Variants in STX1A observed in about 807,000 individuals in gnomAD.
The protein encoded by STX1A is syntaxin 1A.
Under a neutral mutation model 37.8 loss-of-function variants are expected in STX1A, and 4 were observed. That is an observed-to-expected ratio of 0.11 (90% CI 0.05 to 0.24). The LOEUF is 0.24. Among genes scored for constraint, STX1A ranks in the 10% least tolerant of loss-of-function variants. The pLI is 1.00. For synonymous variants in STX1A, 135 were observed against 147.4 expected, an observed-to-expected ratio of 0.92 and a Z score of 0.61; for missense variants, 251 against 399.9, an observed-to-expected ratio of 0.63 and a Z score of 3.18.
rs200456346 is a variant in STX1A, at chr7:73,704,179, G to A, written c.435C>T (p.Cys145=). ...CCAGCTGCCTCTGGATGCGGCCTTTGCAGCGCTCGCGGTAGTCGGACTGCG... is the reference window on the plus strand; with the variant it reads ...CCAGCTGCCTCTGGATGCGGCCTTTACAGCGCTCGCGGTAGTCGGACTGCG... ...NATQSDYRER[C]KGRIQRQLEI... is the part of the protein sequence containing the mutation. Residue 145 remains cysteine, a synonymous_variant, in exon 6 of 10, where the codon TGC becomes TGT. Transcript: ENST00000222812. 1 of 1,537,408 alleles carries A rather than the reference G, an allele frequency of 6.5e-7. No individual in the cohort carries two copies. Among genetic ancestry groups the A allele is most frequent in the East Asian group, 2.5e-5 (1 of 39,684 alleles).
chr7:73,703,645 G>T, intron 7 of STX1A, 110 bp downstream of exon 7: 2 of 1,282,470 alleles, frequency 1.6e-6, no homozygotes, highest in Non-Finnish European at 2.2e-6. Context: ...CCTAAAACCT[G>T]CCTTACAAGG....
Position 73,700,888 on chromosome 7 carries a change from T to C in STX1A, c.679-48A>G. ...GCTCCAGAGGGCCCCCTCCTCAGGGTTGGGTTGGGGCTCGGGGCAGGACTT... is the reference window on the plus strand; with the variant it reads ...GCTCCAGAGGGCCCCCTCCTCAGGGCTGGGTTGGGGCTCGGGGCAGGACTT... On this transcript the variant is annotated intron_variant, in intron 8 of 9. Transcript: ENST00000222812. The surrounding 1 kb of genome is among the most constrained non-coding windows in gnomAD (Gnocchi z 4.4). 1 of 1,607,298 alleles carries C rather than the reference T, an allele frequency of 6.2e-7. No individual in the cohort carries two copies. The highest frequency in any genetic ancestry group is 8.5e-7 in the Non-Finnish European group (1 of 1,179,322).
chr7:73,718,306 C>T (rs2116782209), intron 1 of STX1A, among the ~76,000 whole-genome samples: 1 of 152,250 alleles, frequency 6.6e-6, no homozygotes, highest in South Asian at 2.1e-4. Flanking sequence ...GGTGCCAGAG[C>T]AAGTGGGGGA....
At position 73,705,268 on chromosome 7, in the gene STX1A, G is replaced by T; in HGVS notation, c.209-44C>A. ...TGGGGGTAGGCCTCCTAGGCTCCGC[G>T]GGGACTGATGTGCAGGCTCAGCCTC... On this transcript the variant is annotated intron_variant, in intron 3 of 9. Transcript: ENST00000222812. The surrounding 1 kb of genome is among the most constrained non-coding windows in gnomAD (Gnocchi z 5.2). 1 of 1,525,268 alleles carries T rather than the reference G, an allele frequency of 6.6e-7. No individual in the cohort carries two copies. 94.5% of individuals were successfully genotyped at this position (1,525,268 alleles called of 1,614,324 possible).
intron 8 of STX1A, among the ~76,000 whole-genome samples, chr7:73,701,671 G>A (rs1798661365): frequency 6.6e-6 from 1 of 152,112 alleles, no homozygotes; most frequent in African/African-American, 2.4e-5. Flanking sequence ...CCCTCTCCAA[G>A]TCCATCGGTT....
At chr7:73,704,687 A>T (rs1411604705) in intron 4 of STX1A, 5 of 557,792 alleles carry the variant, frequency 9.0e-6, no homozygotes, top group Non-Finnish European at 1.6e-5. Flanking sequence ...CGGCCACCCT[A>T]TGCCTGGGTA....
intron 4 of STX1A, 38 bp from the exon 5 acceptor site, chr7:73,704,461 C>T (rs1554616509): frequency 6.2e-7 from 1 of 1,612,670 alleles, no homozygotes; most frequent in South Asian, 1.1e-5. Flanking sequence ...TAACCAGGCC[C>T]CTTCAACCCC....
intron 1 of STX1A, among the ~76,000 whole-genome samples, chr7:73,710,337 G>T (rs1296538847): frequency 6.6e-6 from 1 of 152,282 alleles, no homozygotes; most frequent in Non-Finnish European, 1.5e-5. Flanking sequence ...TCTCTCTGCA[G>T]CCAAGGCAAG....
At chr7:73,710,102 A>G (rs1799044824) in intron 1 of STX1A, among the ~76,000 whole-genome samples, 1 of 152,228 alleles carries the variant, frequency 6.6e-6, no homozygotes, top group South Asian at 2.1e-4. Flanking sequence ...CAGCAGGCAC[A>G]AGGGGACAGT....
intron 3 of STX1A, among the ~76,000 whole-genome samples, chr7:73,707,271 G>T (rs1201626781): frequency 1.3e-5 from 2 of 152,180 alleles, no homozygotes; most frequent in Admixed American, 1.3e-4. Context: ...ATGAGGACCG[G>T]GTCAGGGGGA....
chr7:73,701,286 G>A, intron 8 of STX1A: 1 of 306,526 alleles, frequency 3.3e-6, no homozygotes, highest in Non-Finnish European at 6.1e-6. Flanking sequence ...TGCTGTCTGG[G>A]GTCTTCAGTC....
intron 1 of STX1A, among the ~76,000 whole-genome samples, chr7:73,718,357 C>T (rs1477324508): frequency 6.6e-6 from 1 of 152,156 alleles, no homozygotes; most frequent in Non-Finnish European, 1.5e-5. Context: ...CCAGGATGCC[C>T]AGGAGGCAAC....
At chr7:73,718,126 T>G (rs1799355407) in intron 1 of STX1A, among the ~76,000 whole-genome samples, 2 of 152,254 alleles carry the variant, frequency 1.3e-5, no homozygotes, top group Non-Finnish European at 2.9e-5. Flanking sequence ...TCATTCTGAC[T>G]CAACGGAGCT....
intron 7 of STX1A, chr7:73,703,498 G>A (rs1344583249): frequency 2.9e-6 from 2 of 682,664 alleles, no homozygotes; most frequent in South Asian, 1.5e-5. Flanking sequence ...CCACGGATAA[G>A]AGGAGGAGCC....
chr7:73,708,943 G>T (rs1798990663), intron 2 of STX1A, 102 bp downstream of exon 2: 1 of 1,306,318 alleles, frequency 7.7e-7, no homozygotes, highest in Non-Finnish European at 1.1e-6. Flanking sequence ...GAGCTGCTGA[G>T]CCAGGTGCAG....
Position 73,705,313 on chromosome 7 carries a change from G to A in STX1A, c.209-89C>T. ...AGCCTCCAGCCCAGGGGGCCCAGTG[G>A]GAGGCTCTGGGAAGATCCCTGTTCT... On this transcript the variant is annotated intron_variant, in intron 3 of 9. Transcript: ENST00000222812. This position sits in a 1 kb window ranked among gnomAD's most constrained non-coding sequence, Gnocchi z 5.2. The A allele has an allele frequency of 9.4e-7, 1 of 1,066,018 alleles. No homozygotes were observed. Among genetic ancestry groups the A allele is most frequent in the Non-Finnish European group, 1.4e-6 (1 of 690,376 alleles). 66.0% of individuals were successfully genotyped at this position (1,066,018 alleles called of 1,614,324 possible).
rs200751895 is a variant in STX1A at position 73,708,783 on chromosome 7, CAG to C, written c.109-97_109-96del. The C allele has an allele frequency of 1.4e-3, 1,865 of 1,365,532 alleles. 30 individuals are homozygous for C. In the East Asian group the frequency reaches 0.04, roughly 29 times the overall value. The allele number at this position is 1,365,532 out of a possible 1,614,324, so 84.6% of individuals were successfully genotyped here. ...CCAGAGTAGGGCTGCGGTCAGGGCT[CAG>C]GGGGAGGACGGGCCAGGCTCCGGGT... On this transcript the variant is annotated intron_variant, in intron 2 of 9. Transcript: ENST00000222812.
At position 73,700,150 on chromosome 7, in the gene STX1A, C is replaced by T. The variant is rs1798592704; in HGVS notation, c.*257G>A. 1 of 562,722 alleles carries T rather than the reference C, an allele frequency of 1.8e-6. No individual in the cohort carries two copies. The highest frequency in any genetic ancestry group is 3.2e-6 in the Non-Finnish European group (1 of 313,826). 34.9% of individuals were successfully genotyped at this position (562,722 alleles called of 1,614,324 possible). ...CCTGGCGGCCCTGCCTGGGTCTGCT[C>T]CTCGCTGTGCACACTGCATCACGCC... On this transcript the variant is annotated 3_prime_UTR_variant, in exon 10 of 10. Transcript: ENST00000222812. This position sits in a 1 kb window ranked among gnomAD's most constrained non-coding sequence, Gnocchi z 4.4.
intron 1 of STX1A, among the ~76,000 whole-genome samples, chr7:73,715,067 G>A (rs1799241678): frequency 6.6e-6 from 1 of 151,810 alleles, no homozygotes; most frequent in African/African-American, 2.4e-5. Context: ...GGAGGTTGCA[G>A]TGAGCCAAGA....
Sources: allele counts gnomAD v4.1 joint callset (sites outside exome capture counted in the v4.1 genomes callset), GRCh38; gene constraint gnomAD v4.1.1; non-coding constraint Gnocchi (gnomAD v3.1); transcripts MANE v1.5; gene names NCBI Gene and HGNC (gene_info 2026-07-23, HGNC 2026-07-21).